NRXN3: variants seen among roughly 807,000 people sequenced by gnomAD.
The protein encoded by NRXN3 is neurexin 3.
In NRXN3, 32 loss-of-function variants were observed where a neutral mutation model predicts 137.6. The ratio of observed to expected loss-of-function variants is 0.23; its 90% CI spans 0.18 to 0.31. The LOEUF is 0.31. Ranked by LOEUF, NRXN3 falls within the 10% of genes least tolerant of loss-of-function variation. The pLI is 1.00. For synonymous variants in NRXN3, 798 were observed against 784.5 expected, an observed-to-expected ratio of 1.02 and a Z score of -0.29; for missense variants, 1,574 against 2,062.5, an observed-to-expected ratio of 0.76 and a Z score of 4.59.
At chr14:78,888,289 C>T (rs1042129659) in intron 10 of NRXN3, among the ~76,000 whole-genome samples, 1 of 151,952 alleles carries the variant, frequency 6.6e-6, no homozygotes, top group Non-Finnish European at 1.5e-5. Context: ...AGACTCCTAA[C>T]AATTAAGAGA....
chr14:78,749,523 G>A (rs1261341016), intron 8 of NRXN3, among the ~76,000 whole-genome samples: 1 of 152,196 alleles, frequency 6.6e-6, no homozygotes, highest in Non-Finnish European at 1.5e-5. Context: ...GGAGTTGGCT[G>A]TAGTTCAAGC....
intron 4 of NRXN3, among the ~76,000 whole-genome samples, chr14:78,408,515 C>A (rs1293732731): frequency 2.0e-5 from 3 of 152,188 alleles, no homozygotes; most frequent in Non-Finnish European, 4.4e-5. Context: ...TGCCTCCCTC[C>A]TGTCATTTAC....
intron 4 of NRXN3, among the ~76,000 whole-genome samples, chr14:78,623,811 G>A (rs946909936): frequency 6.6e-6 from 1 of 152,068 alleles, no homozygotes. Flanking sequence ...CAGGTGATCC[G>A]CCCACCTTGG....
chr14:78,244,943 G>A (rs1008305), intron 2 of NRXN3, among the ~76,000 whole-genome samples: 108,359 of 152,142 alleles, frequency 0.71, 39,344 homozygotes, highest in East Asian at 0.9. Context: ...ACTGTTTGGG[G>A]TTAGATCTAA....
chr14:78,345,208 T>C (rs1291045273), intron 4 of NRXN3, among the ~76,000 whole-genome samples: 1 of 152,188 alleles, frequency 6.6e-6, no homozygotes, highest in Non-Finnish European at 1.5e-5. Flanking sequence ...TAGCCAATTG[T>C]TTTAACTGTT....
chr14:79,357,288 G>A (rs1486247580), intron 15 of NRXN3, among the ~76,000 whole-genome samples: 1 of 152,032 alleles, frequency 6.6e-6, no homozygotes, highest in Non-Finnish European at 1.5e-5. Flanking sequence ...ATTAAAATAT[G>A]AGTAAGTCTA....
At chr14:78,251,282 A>C (rs751746646) in intron 2 of NRXN3, among the ~76,000 whole-genome samples, 2 of 152,170 alleles carry the variant, frequency 1.3e-5, no homozygotes, top group Admixed American at 1.3e-4. Context: ...GTAAAAAAAA[A>C]CAATCTTTCT....
chr14:79,032,392 G>T (rs1309195384), intron 15 of NRXN3, among the ~76,000 whole-genome samples: 10 of 152,114 alleles, frequency 6.6e-5, no homozygotes, highest in Admixed American at 6.6e-4. Context: ...AAAGCTCTCA[G>T]CTGATTAGGA....
chr14:78,642,036 G>A (rs939645188), intron 4 of NRXN3, among the ~76,000 whole-genome samples: 6 of 152,218 alleles, frequency 3.9e-5, no homozygotes, highest in African/African-American at 1.4e-4. Context: ...TGTAAGGTGA[G>A]AGGAATTGGT....
intron 4 of NRXN3, among the ~76,000 whole-genome samples, chr14:78,318,930 A>T (rs1372860203): frequency 6.6e-6 from 1 of 152,184 alleles, no homozygotes; most frequent in Non-Finnish European, 1.5e-5. Context: ...AATCATCTGG[A>T]CATCTTGTTA....
intron 16 of NRXN3, among the ~76,000 whole-genome samples, chr14:79,593,257 ACT>A (rs1261756373): frequency 6.6e-6 from 1 of 152,250 alleles, no homozygotes; most frequent in East Asian, 1.9e-4. Flanking sequence ...AGAAAATAAA[ACT>A]CTATAATTTA....
chr14:79,232,214 T>G (rs1289697189), intron 15 of NRXN3, among the ~76,000 whole-genome samples: 1 of 152,222 alleles, frequency 6.6e-6, no homozygotes, highest in Admixed American at 6.5e-5. Context: ...TCCCATGGCA[T>G]CTGGAATCAT....
intron 15 of NRXN3, among the ~76,000 whole-genome samples, chr14:79,056,656 T>G (rs908169998): frequency 6.6e-6 from 1 of 152,216 alleles, no homozygotes; most frequent in Admixed American, 6.5e-5. Context: ...CCTTTAGATC[T>G]TATGAATCTA....
At chr14:79,264,904 A>G (rs1049990164) in intron 15 of NRXN3, among the ~76,000 whole-genome samples, 1 of 152,154 alleles carries the variant, frequency 6.6e-6, no homozygotes, top group Non-Finnish European at 1.5e-5. Context: ...TATGCTTACT[A>G]AAGGGGAAAC....
intron 6 of NRXN3, among the ~76,000 whole-genome samples, chr14:78,652,842 A>C (rs1376616349): frequency 6.6e-6 from 1 of 152,230 alleles, no homozygotes; most frequent in African/African-American, 2.4e-5. Flanking sequence ...TTAAGCCATG[A>C]TCTCCATGCT....
At chr14:78,335,515 T>C (rs1006429310) in intron 4 of NRXN3, among the ~76,000 whole-genome samples, 26 of 152,324 alleles carry the variant, frequency 1.7e-4, no homozygotes, top group African/African-American at 5.5e-4. Flanking sequence ...TAATGACTGA[T>C]TGATTGATTG....
intron 19 of NRXN3, among the ~76,000 whole-genome samples, chr14:79,710,814 A>G (rs1292526156): frequency 6.6e-6 from 1 of 152,212 alleles, no homozygotes; most frequent in East Asian, 1.9e-4. Context: ...TCTATTCCAC[A>G]AACATTGGGT....
intron 4 of NRXN3, among the ~76,000 whole-genome samples, chr14:78,634,150 A>G (rs1239623204): frequency 6.6e-6 from 1 of 152,210 alleles, no homozygotes; most frequent in South Asian, 2.1e-4. Context: ...GAACTACCCC[A>G]TCATAACAGA....
rs562437274 is a variant in NRXN3, at chr14:78,275,551, A to T, written c.710-3094A>T. On this transcript the variant is annotated intron_variant, in intron 2 of 20. Transcript: ENST00000335750. Reference sequence around the variant, plus strand: ...ATATTTTTAGGTAAGCTGTCTTCACATGGTAACAAAAATGGAATATGGCAG... The same window carrying T: ...ATATTTTTAGGTAAGCTGTCTTCACTTGGTAACAAAAATGGAATATGGCAG... 1.4e-4 allele frequency among the ~76,000 whole-genome samples: 21 copies of T among 152,290 alleles called. 1 individual carries two copies. Among genetic ancestry groups the T allele is most frequent in the South Asian group, 1.2e-3 (6 of 4,828 alleles).
Sources: allele counts gnomAD v4.1 joint callset (sites outside exome capture counted in the v4.1 genomes callset), GRCh38; gene constraint gnomAD v4.1.1; transcripts MANE v1.5; gene names NCBI Gene and HGNC (gene_info 2026-07-23, HGNC 2026-07-21).